The following MED12L variants were observed in gnomAD, a reference collection of about 807,000 sequenced individuals.
MED12L encodes the protein mediator complex subunit 12L.
Under a neutral mutation model 281.3 loss-of-function variants are expected in MED12L, and 60 were observed. The ratio of observed to expected loss-of-function variants is 0.21; its 90% confidence interval spans 0.17 to 0.26. The LOEUF (loss-of-function observed/expected upper bound fraction) is 0.26, where lower values mean the gene tolerates loss of function less well. Among genes scored for constraint, MED12L ranks in the 10% least tolerant of loss-of-function variants. The probability of loss-of-function intolerance (pLI) is 1.00; values close to 1 mark genes in which losing one functional copy is unlikely to be tolerated. For missense variants in MED12L, 2,146 were observed against 2,680.9 expected (o/e 0.80, Z 4.41); for synonymous variants, 974 against 987.2 (o/e 0.99, Z 0.25).
chr3:151,206,324 G>T (rs1452595480), intron 16 of MED12L, among the ~76,000 whole-genome samples: 1 of 151,490 alleles, frequency 6.6e-6, no homozygotes, highest in East Asian at 1.9e-4. Context: ...AGGCAAATTT[G>T]TTTTTTTCAC....
At position 151,350,284 on chromosome 3, in the gene MED12L, C is replaced by G. The variant is rs573808295; in HGVS notation, c.2398+78C>G. On this transcript the variant is annotated intron_variant, in intron 17 of 44. Transcript: ENST00000687756. ...TGAGCACAGTCTTTATCAAAGTGTT[C>G]TATGTCACTGTCAACAGAGCGTTTC... 4.1e-4 allele frequency: 581 copies of G among 1,411,734 alleles called. 2 individuals carry two copies. Among genetic ancestry groups the G allele is most frequent in the Non-Finnish European group, 5.4e-4 (552 of 1,026,654 alleles). 87.5% of individuals were successfully genotyped at this position (1,411,734 alleles called of 1,614,324 possible). A position where few individuals can be genotyped will look rare whatever the true frequency, so the allele number is the denominator to read the frequency against.
At chr3:151,203,488 T>A (rs1725942554) in intron 16 of MED12L, among the ~76,000 whole-genome samples, 1 of 151,882 alleles carries the variant, frequency 6.6e-6, no homozygotes, top group South Asian at 2.1e-4. Context: ...CATGCCTTGA[T>A]GGGGATTAAT....
Position 151,087,008 on chromosome 3 carries a change from G to A in MED12L, c.82G>A (p.Asp28Asn). ...RLGPPDVYPQ[D>N]PKQKEDELTA... Reference sequence around the variant, plus strand: ...CGGGCCGCCCGACGTCTACCCACAGGACCCCAAGCAGAAGGAGGTAAGGGC... The same window carrying A: ...CGGGCCGCCCGACGTCTACCCACAGAACCCCAAGCAGAAGGAGGTAAGGGC... Residue 28 changes from aspartate to asparagine, a missense_variant, in exon 2 of 45, where the codon GAC becomes AAC. By Grantham distance (23) the Asp-to-Asn change is conservative. This residue lies in a region of MED12L where 44 missense variants were observed against 39.7 expected (regional missense o/e 1.11). Transcript: ENST00000687756. 6.2e-7 allele frequency: 1 copy of A among 1,609,826 alleles called. No homozygotes were observed. Among genetic ancestry groups the A allele is most frequent in the Non-Finnish European group, 8.5e-7 (1 of 1,178,820 alleles).
intron 16 of MED12L, among the ~76,000 whole-genome samples, chr3:151,303,070 A>G (rs1401420346): frequency 6.6e-6 from 1 of 152,142 alleles, no homozygotes; most frequent in Non-Finnish European, 1.5e-5. Flanking sequence ...AGCCAAAGAT[A>G]AGGTATAATA....
Position 151,237,038 on chromosome 3 carries a change from T to C in MED12L, c.2250+43372T>C, listed in dbSNP as rs375115110. ...ATGAATGTTAAACTTCAGGAAGTGA[T>C]GCCAAACTTTTTTTTTTTTTTTTTT... is the stretch of plus-strand genomic sequence containing the variant. On this transcript the variant is annotated intron_variant, in intron 16 of 44. Coordinates refer to ENST00000687756, the MANE Select transcript of MED12L (RefSeq NM_001393769.1). Among the ~76,000 whole-genome samples the C allele has an allele frequency of 2.0e-4, 30 of 150,606 alleles. No homozygotes were observed. The East Asian group carries it at 5.6e-3, about 28-fold the overall frequency.
intron 16 of MED12L, among the ~76,000 whole-genome samples, chr3:151,348,569 GCTT>G (rs1217570631): frequency 6.7e-6 from 1 of 149,890 alleles, no homozygotes; most frequent in Non-Finnish European, 1.5e-5. Flanking sequence ...CTCGCTCCTA[GCTT>G]CTTTTTTTTT....
At chr3:151,120,799 A>T (rs1270090440) in intron 3 of MED12L, among the ~76,000 whole-genome samples, 2 of 152,188 alleles carry the variant, frequency 1.3e-5, no homozygotes, top group African/African-American at 4.8e-5. Context: ...ATATATTGCT[A>T]TTGCAATTAA....
intron 18 of MED12L, among the ~76,000 whole-genome samples, chr3:151,355,693 T>G (rs1003253441): frequency 2.0e-5 from 3 of 152,232 alleles, no homozygotes; most frequent in African/African-American, 7.2e-5. Flanking sequence ...GAATGACAAC[T>G]TTTTGTATTT....
chr3:151,282,875 A>G (rs2149624907), intron 16 of MED12L, among the ~76,000 whole-genome samples: 1 of 152,378 alleles, frequency 6.6e-6, no homozygotes, highest in South Asian at 2.1e-4. Flanking sequence ...GAATGCAGAC[A>G]TGCCTTTTTA....
chr3:151,368,689 T>TTTC (rs1553798117), intron 25 of MED12L, among the ~76,000 whole-genome samples: 4 of 42,000 alleles, frequency 9.5e-5, no homozygotes, highest in Non-Finnish European at 1.7e-4. Context: ...CATTTCATTT[T>TTTC]ATTTCATTTC....
chr3:151,246,829 A>G (rs1735635387), intron 16 of MED12L, among the ~76,000 whole-genome samples: 1 of 152,220 alleles, frequency 6.6e-6, no homozygotes, highest in South Asian at 2.1e-4. Context: ...CAGAGTGAAC[A>G]GGCAGCCTAC....
At chr3:151,110,768 G>A (rs769618344) in intron 2 of MED12L, among the ~76,000 whole-genome samples, 5 of 152,194 alleles carry the variant, frequency 3.3e-5, no homozygotes, top group South Asian at 2.1e-4. Context: ...GTTTGTGTGT[G>A]TGTGTGTGTA....
intron 11 of MED12L, among the ~76,000 whole-genome samples, chr3:151,172,473 C>G (rs1721557041): frequency 6.6e-6 from 1 of 152,200 alleles, no homozygotes; most frequent in African/African-American, 2.4e-5. Flanking sequence ...TGTGGGCACA[C>G]ACAGATACCC....
In MED12L at chr3:151,432,914, T is replaced by C. The variant is rs1719695048; in HGVS notation, c.*110T>C. ...GTCCCTTTTTTTCATTTCTTTGACA[T>C]TTTACTATATTTTATGCTACATCTC... On this transcript the variant is annotated 3_prime_UTR_variant, in exon 45 of 45. Coordinates refer to ENST00000687756, the MANE Select transcript of MED12L (RefSeq NM_001393769.1). The C allele has an allele frequency of 3.9e-6, 3 of 776,564 alleles. No individual in the cohort carries two copies. Among genetic ancestry groups the C allele is most frequent in the Admixed American group, 5.8e-5 (2 of 34,196 alleles). 48.1% of individuals were successfully genotyped at this position (776,564 alleles called of 1,614,324 possible).
In MED12L at chr3:151,086,845, T is replaced by G. The variant is rs1316298766; in HGVS notation, c.-82T>G. The stretch of plus-strand genomic sequence containing the variant: ...AGGAGGGGGAGAGAGGGAGTCTGTC[T>G]GCAAAGTGCTGCTCCCTGGTGCTCA... On this transcript the variant is annotated 5_prime_UTR_variant, in exon 2 of 45. Transcript: ENST00000687756. 9 of 1,113,524 alleles carry G rather than the reference T, an allele frequency of 8.1e-6. No individual in the cohort carries two copies. Among genetic ancestry groups the G allele is most frequent in the Non-Finnish European group, 1.1e-5 (9 of 782,670 alleles). The allele number at this position is 1,113,524 out of a possible 1,614,324, so 69.0% of individuals were successfully genotyped here.
intron 16 of MED12L, among the ~76,000 whole-genome samples, chr3:151,240,352 A>G (rs976968364): frequency 6.6e-6 from 1 of 152,214 alleles, no homozygotes; most frequent in Admixed American, 6.5e-5. Flanking sequence ...CAGCTCAAGC[A>G]GTTTCCAGTG....
intron 31 of MED12L, among the ~76,000 whole-genome samples, chr3:151,378,466 C>T (rs544903132): frequency 1.3e-5 from 2 of 151,966 alleles, no homozygotes; most frequent in Non-Finnish European, 2.9e-5. Context: ...GGATAGCTAC[C>T]TGATCCCTGT....
In MED12L at chr3:151,434,621, C is replaced by CAA. The variant is rs1438039957; in HGVS notation, c.*1819_*1820dup. On this transcript the variant is annotated 3_prime_UTR_variant, in exon 45 of 45. Coordinates refer to ENST00000687756, the MANE Select transcript of MED12L (RefSeq NM_001393769.1). ...GATAAGCTAATGAAGTTGTTTTCTT[C>CAA]AAAGTAATATATCTATATAATGACT... is the stretch of plus-strand genomic sequence containing the variant. 2 of 152,140 alleles carry CAA rather than the reference C, an allele frequency of 1.3e-5. No individual in the cohort carries two copies. The highest frequency in any genetic ancestry group is 2.9e-5 in the Non-Finnish European group (2 of 68,038). The allele number at this position is 152,140 out of a possible 1,614,324, so 9.4% of individuals were successfully genotyped here. A position where few individuals can be genotyped will look rare whatever the true frequency, so the allele number is the denominator to read the frequency against.
rs183737295 is a variant in MED12L at position 151,244,760 on chromosome 3, C to G, written c.2250+51094C>G. Among the ~76,000 whole-genome samples, 1,254 of 152,114 alleles carry G rather than the reference C, an allele frequency of 8.2e-3. 19 individuals are homozygous for G. Among genetic ancestry groups the G allele is most frequent in the African/African-American group, 0.028 (1,178 of 41,458 alleles). On this transcript the variant is annotated intron_variant, in intron 16 of 44. Coordinates refer to ENST00000687756, the MANE Select transcript of MED12L (RefSeq NM_001393769.1). ...AAAGCTAGCAGAAGGCAAGAAATAA[C>G]TAAAATCGGAGCAGAACTCAAGGAA...
Sources: allele counts gnomAD v4.1 joint callset (sites outside exome capture counted in the v4.1 genomes callset), GRCh38; gene constraint gnomAD v4.1.1; regional missense constraint gnomAD v4.1.1; transcripts MANE v1.5; gene names NCBI Gene and HGNC (gene_info 2026-07-23, HGNC 2026-07-21).